SIRPB1: variants seen among roughly 807,000 people sequenced by gnomAD.
SIRPB1 encodes the protein signal-regulatory protein beta-1.
A neutral mutation model predicts 34.1 loss-of-function variants in SIRPB1; 28 were observed. The ratio of observed to expected loss-of-function variants is 0.82; its 90% CI spans 0.61 to 1.12. SIRPB1 has a LOEUF of 1.12. SIRPB1 is among the 50% of genes most tolerant of loss of function. The probability of loss-of-function intolerance (pLI) is 0.00; values close to 1 mark genes in which losing one functional copy is unlikely to be tolerated. For missense variants in SIRPB1, 499 were observed against 507.0 expected (o/e 0.98, Z 0.15); for synonymous variants, 211 against 203.8 (o/e 1.04, Z -0.30).
At chr20:1,618,142 T>G (rs2091658072) in intron 1 of SIRPB1, among the ~76,000 whole-genome samples, 1 of 152,204 alleles carries the variant, frequency 6.6e-6, no homozygotes, top group Admixed American at 6.5e-5. Context: ...CATTAAAATA[T>G]CTGGCCCATA....
At position 1,570,802 on chromosome 20, in the gene SIRPB1, C is replaced by G; in HGVS notation, c.1084+3G>C. The G allele has an allele frequency of 6.2e-7, 1 of 1,603,104 alleles. No homozygotes were observed. The highest frequency in any genetic ancestry group is 8.5e-7 in the Non-Finnish European group (1 of 1,174,066). On this transcript the variant is annotated splice_donor_region_variant and intron_variant, in intron 4 of 5. Transcript: ENST00000381605. ...AAAATTTAAAAATGGGAAGTAACCG[C>G]ACCATGGGTGATATCTGAGCCGTGC... is the stretch of plus-strand genomic sequence containing the variant.
chr20:1,576,684 A>G (rs1206797662), intron 2 of SIRPB1, among the ~76,000 whole-genome samples: 1 of 148,418 alleles, frequency 6.7e-6, no homozygotes, highest in Non-Finnish European at 1.5e-5. Flanking sequence ...AGGCGGGTGG[A>G]TCACCTGAGT....
In SIRPB1 at chr20:1,566,236, G is replaced by C; in HGVS notation, c.1116C>G (p.Leu372=). The C allele has an allele frequency of 6.2e-7, 1 of 1,610,688 alleles. No individual in the cohort carries two copies. Among genetic ancestry groups the C allele is most frequent in the East Asian group, 2.2e-5 (1 of 44,774 alleles). The stretch of plus-strand genomic sequence containing the variant: ...GCTTGGGGCCCAGGAGGAGAGCTAC[G>C]AGGAGTGGAGCAGTAGGAGCCAGCG... ...EAALAPTAPL[L]VALLLGPKLL... The change falls in exon 5 of 6, where the codon CTC becomes CTG. Residue 372 remains leucine (L), a synonymous_variant. Coordinates refer to ENST00000381605, the MANE Select transcript of SIRPB1 (RefSeq NM_006065.5).
intron 4 of SIRPB1, among the ~76,000 whole-genome samples, chr20:1,569,883 C>G (rs1366724987): frequency 6.6e-6 from 1 of 152,162 alleles, no homozygotes; most frequent in Non-Finnish European, 1.5e-5. Context: ...AGAGGGACCC[C>G]TCCTGGTATT....
chr20:1,586,841 T>C lies in SIRPB1; in HGVS notation c.77-8147A>G, dbSNP rs2091425181. ...GATTGGGGACCACTGCACACGTGTGTGTGCGTGTGTGTGTACACATTCACA... is the reference window on the plus strand; with the variant it reads ...GATTGGGGACCACTGCACACGTGTGCGTGCGTGTGTGTGTACACATTCACA... On this transcript the variant is annotated intron_variant, in intron 1 of 5. Coordinates refer to ENST00000381605, the MANE Select transcript of SIRPB1 (RefSeq NM_006065.5). Among the ~76,000 whole-genome samples, 10 of 49,564 alleles carry C rather than the reference T, an allele frequency of 2.0e-4. 5 individuals carry two copies. The highest frequency in any genetic ancestry group is 1.3e-3 in the Admixed American group (10 of 7,480). 32.5% of individuals were successfully genotyped at this position (49,564 alleles called of 152,430 possible). A position where few individuals can be genotyped will look rare whatever the true frequency, so the allele number is the denominator to read the frequency against.
intron 1 of SIRPB1, among the ~76,000 whole-genome samples, chr20:1,617,998 C>T (rs922532370): frequency 9.3e-5 from 14 of 149,982 alleles, no homozygotes; most frequent in East Asian, 7.7e-4. Context: ...TGTATATATA[C>T]ACACACACAC....
At position 1,619,890 on chromosome 20, in the gene SIRPB1, G is replaced by A. The variant is rs759420587; in HGVS notation, c.55C>T (p.Leu19=). ...TCACCTGTGAGTCTCCCCAGCAGTAGCGTCATCAGCAGGAAAGGACTAGGA... is the reference window on the plus strand; with the variant it reads ...TCACCTGTGAGTCTCCCCAGCAGTAACGTCATCAGCAGGAAAGGACTAGGA... ...HLPSPFLLMT[L]LLGRLTGVAG... Residue 19 remains leucine (L), a synonymous_variant, in exon 1 of 6, where the codon CTA becomes TTA. Coordinates refer to ENST00000381605, the MANE Select transcript of SIRPB1 (RefSeq NM_006065.5). The A allele has an allele frequency of 1.9e-6, 3 of 1,613,816 alleles. No homozygotes were observed. The South Asian group carries it at 3.3e-5, about 18-fold the overall frequency.
In SIRPB1 at chr20:1,563,823, A is replaced by T. The variant is rs1142198; in HGVS notation, c.*1677T>A. 8,440 of 152,480 alleles carry T rather than the reference A, an allele frequency of 0.055. 271 individuals are homozygous for T. Among genetic ancestry groups the T allele is most frequent in the Non-Finnish European group, 0.075 (5,074 of 67,976 alleles). The allele number at this position is 152,480 out of a possible 1,614,324, so 9.4% of individuals were successfully genotyped here. A position where few individuals can be genotyped will look rare whatever the true frequency, so the allele number is the denominator to read the frequency against. ...ACTCACTGAGATCTTATGAGAACTC[A>T]CTATCACAAGAACAGCAAGGGGGAA... On this transcript the variant is annotated 3_prime_UTR_variant, in exon 6 of 6. Coordinates refer to ENST00000381605, the MANE Select transcript of SIRPB1 (RefSeq NM_006065.5).
intron 1 of SIRPB1, among the ~76,000 whole-genome samples, chr20:1,617,095 T>C (rs572046583): frequency 6.6e-6 from 1 of 152,302 alleles, no homozygotes; most frequent in South Asian, 2.1e-4. Flanking sequence ...TTAGTGGGAA[T>C]GTAAATTAGT....
chr20:1,571,113 T>G lies in SIRPB1; in HGVS notation c.776A>C (p.Gln259Pro), dbSNP rs1395164358. The change falls in exon 4 of 6, where the codon CAA (glutamine) becomes CCA (proline). Residue 259 changes from glutamine (Q) to proline (P), a missense_variant. Coordinates refer to ENST00000381605, the MANE Select transcript of SIRPB1 (RefSeq NM_006065.5). ...IRVPPTLEVT[Q>P]QPMRAENQAN... ...CTGGTTCTCTGCCCTCATGGGCTGT[T>G]GAGTAACCTCCAAGGTGGGTGGAAC... 2 of 1,613,802 alleles carry G rather than the reference T, an allele frequency of 1.2e-6. No homozygotes were observed. Among genetic ancestry groups the G allele is most frequent in the Admixed American group, 1.7e-5 (1 of 59,998 alleles).
chr20:1,577,507 T>C lies in SIRPB1; in HGVS notation c.433+831A>G, dbSNP rs2091331750. On this transcript the variant is annotated intron_variant, in intron 2 of 5. Coordinates refer to ENST00000381605, the MANE Select transcript of SIRPB1 (RefSeq NM_006065.5). ...TCTGGCAGGAAACCCCACATAAGCA[T>C]TGTTGCTACCTTATATGGGGAACCC... Among the ~76,000 whole-genome samples, 2 of 147,636 alleles carry C rather than the reference T, an allele frequency of 1.4e-5. 1 individual carries two copies. The highest frequency in any genetic ancestry group is 1.3e-4 in the Admixed American group (2 of 14,886).
In SIRPB1 at chr20:1,563,189, G is replaced by T. The variant is rs1333032716; in HGVS notation, c.*2311C>A. Among the ~76,000 whole-genome samples the T allele has an allele frequency of 6.6e-6, 1 of 152,178 alleles. No homozygotes were observed. Among genetic ancestry groups the T allele is most frequent in the Non-Finnish European group, 1.5e-5 (1 of 68,030 alleles). On this transcript the variant is annotated 3_prime_UTR_variant, in exon 6 of 6. Coordinates refer to ENST00000381605, the MANE Select transcript of SIRPB1 (RefSeq NM_006065.5). ...CTTAGAAAGATGGCAAAACACCAAGGTATAATAGAAATGATGCTTGCTGGC... is the reference window on the plus strand; with the variant it reads ...CTTAGAAAGATGGCAAAACACCAAGTTATAATAGAAATGATGCTTGCTGGC...
rs1026045205 is a variant in SIRPB1 at position 1,589,361 on chromosome 20, G to C, written c.77-10667C>G. 6.2e-5 allele frequency among the ~76,000 whole-genome samples: 3 copies of C among 48,140 alleles called. 1 individual carries two copies. Among genetic ancestry groups the C allele is most frequent in the Non-Finnish European group, 1.2e-4 (3 of 25,172 alleles). 31.6% of individuals were successfully genotyped at this position (48,140 alleles called of 152,430 possible). On this transcript the variant is annotated intron_variant, in intron 1 of 5. Transcript: ENST00000381605. The stretch of plus-strand genomic sequence containing the variant: ...TGGAAAAGGGATAGGGTTATGATTC[G>C]GGCAGAATGTGGCGGACAGGTTCCT...
intron 4 of SIRPB1, 48 bp downstream of exon 4, chr20:1,570,757 T>C (rs775080777): frequency 5.6e-6 from 8 of 1,426,006 alleles, no homozygotes; most frequent in Non-Finnish European, 7.7e-6. Flanking sequence ...AATATTGCTT[T>C]TAACATTAAA....
At position 1,578,374 on chromosome 20, in the gene SIRPB1, A is replaced by T. The variant is rs1422282872; in HGVS notation, c.397T>A (p.Phe133Ile). The T allele has an allele frequency of 6.3e-7, 1 of 1,586,332 alleles. No homozygotes were observed. The highest frequency in any genetic ancestry group is 2.2e-5 in the East Asian group (1 of 44,840). The stretch of plus-strand genomic sequence containing the variant: ...AGCTCAGTGCCTGCTCCAGACTTAA[A>T]CTCCACGTCGTCAGGGCTCCCTTTC... The part of the protein sequence containing the change: ...FRKGSPDDVE[F>I]KSGAGTELSV... Residue 133 changes from phenylalanine to isoleucine, a missense_variant, in exon 2 of 6, where the codon TTT becomes ATT. Coordinates refer to ENST00000381605, the MANE Select transcript of SIRPB1 (RefSeq NM_006065.5).
chr20:1,578,614 G>T lies in SIRPB1; in HGVS notation c.157C>A (p.Arg53Ser). Reference sequence around the variant, plus strand: ...GGGATCAGGGACGTCATAGCACAGCGCAGAGTGGCCGACTCTCCAGCTGCA... The same window carrying T: ...GGGATCAGGGACGTCATAGCACAGCTCAGAGTGGCCGACTCTCCAGCTGCA... ...SVAAGESATL[R>S]CAMTSLIPVG... The change falls in exon 2 of 6, where the codon CGC becomes AGC. Residue 53 changes from arginine to serine, a missense_variant. Coordinates refer to ENST00000381605, the MANE Select transcript of SIRPB1 (RefSeq NM_006065.5). 1.9e-6 allele frequency: 3 copies of T among 1,584,196 alleles called. 1 individual carries two copies. Among genetic ancestry groups the T allele is most frequent in the South Asian group, 1.1e-5 (1 of 90,478 alleles).
chr20:1,571,611 A>G, intron 3 of SIRPB1, 109 bp downstream of exon 3: 1 of 1,519,764 alleles, frequency 6.6e-7, no homozygotes, highest in Admixed American at 1.9e-5. Flanking sequence ...GGAGGTGGAC[A>G]ACACAGTTAG....
rs192851879 is a variant in SIRPB1, at chr20:1,572,378, C to G, written c.434-341G>C. Among the ~76,000 whole-genome samples, 657 of 151,896 alleles carry G rather than the reference C, an allele frequency of 4.3e-3. 3 individuals are homozygous for G. The highest frequency in any genetic ancestry group is 6.2e-3 in the Non-Finnish European group (422 of 67,898). On this transcript the variant is annotated intron_variant, in intron 2 of 5. Coordinates refer to ENST00000381605, the MANE Select transcript of SIRPB1 (RefSeq NM_006065.5). ...GTTATTAACTGGTCCTAGCTGTCCT[C>G]CCCCGGAAGGCTCACTAACCTCAGA...
intron 1 of SIRPB1, among the ~76,000 whole-genome samples, chr20:1,616,019 A>G (rs1354481159): frequency 6.6e-6 from 1 of 152,218 alleles, no homozygotes; most frequent in Admixed American, 6.5e-5. Context: ...TTACTCAAGG[A>G]CATGAAAGAC....
Sources: gnomAD v4.1 joint callset for allele counts (sites outside exome capture counted in the v4.1 genomes callset) on GRCh38, gnomAD v4.1.1 for gene constraint, MANE v1.5 for transcripts, NCBI Gene and HGNC (gene_info 2026-07-23, HGNC 2026-07-21) for gene names.